The following HTD2 variants were observed in gnomAD, a reference collection of about 807,000 sequenced individuals.
HTD2 encodes the protein hydroxyacyl-thioester dehydratase type 2, mitochondrial.
HTD2 carries 1 observed loss-of-function variant against 3.1 expected under a neutral mutation model. The observed-to-expected ratio is 0.32, with a 90% confidence interval of 0.11 to 1.52. The LOEUF is 1.52. Ranked by LOEUF, HTD2 falls within the 40% of genes most tolerant of loss-of-function variation. The pLI is 0.39. For synonymous variants in HTD2, 50 were observed against 28.9 expected (o/e 1.73, Z -2.34); for missense variants, 150 against 79.6 (o/e 1.88, Z -3.36).
intron 2 of HTD2, among the ~76,000 whole-genome samples, chr3:58,315,427 T>C (rs1575547362): frequency 6.6e-6 from 1 of 152,256 alleles, no homozygotes; most frequent in East Asian, 1.9e-4. Context: ...TAAGGGAGTC[T>C]TATGATGGTA....
At chr3:58,314,901 G>A (rs1177945793) in intron 2 of HTD2, among the ~76,000 whole-genome samples, 2 of 151,874 alleles carry the variant, frequency 1.3e-5, no homozygotes, top group Non-Finnish European at 2.9e-5. Context: ...TGACCAGGAT[G>A]GTCTCAATCT....
intron 1 of HTD2, among the ~76,000 whole-genome samples, chr3:58,309,226 A>T (rs2097479281): frequency 6.6e-6 from 1 of 152,118 alleles, no homozygotes; most frequent in Non-Finnish European, 1.5e-5. Flanking sequence ...TTACTCCTTT[A>T]TGTCTTTTCT....
chr3:58,315,534 A>AC (rs2097487336), intron 2 of HTD2, among the ~76,000 whole-genome samples: 1 of 152,240 alleles, frequency 6.6e-6, no homozygotes, highest in African/African-American at 2.4e-5. Context: ...GAGTAGACAT[A>AC]CAATTGGTAA....
intron 2 of HTD2, among the ~76,000 whole-genome samples, chr3:58,314,810 A>G (rs2097486613): frequency 2.0e-5 from 3 of 149,646 alleles, no homozygotes; most frequent in African/African-American, 7.4e-5. Flanking sequence ...TCAGCCTCCC[A>G]AGTAGCTAGG....
intron 1 of HTD2, among the ~76,000 whole-genome samples, chr3:58,308,436 A>G (rs1031845462): frequency 8.0e-5 from 12 of 150,062 alleles, no homozygotes; most frequent in Non-Finnish European, 3.0e-5. Flanking sequence ...GGCACACACT[A>G]CCATGCCTGG....
Position 58,319,956 on chromosome 3 carries a change from G to T in HTD2, c.*1836G>T, listed in dbSNP as rs2097492776. ...ATAGCATTTTTCATCACCCCCAAAA[G>T]AACCTCCCATTAGCAGTCAATCCAT... is the stretch of plus-strand genomic sequence containing the variant. On this transcript the variant is annotated 3_prime_UTR_variant, in exon 5 of 5. Coordinates refer to ENST00000461393, the MANE Select transcript of HTD2 (RefSeq NM_001348712.2). The T allele has an allele frequency of 1.3e-5, 2 of 152,118 alleles. No homozygotes were observed. Among genetic ancestry groups the T allele is most frequent in the South Asian group, 4.1e-4 (2 of 4,828 alleles). The allele number at this position is 152,118 out of a possible 1,614,324, so 9.4% of individuals were successfully genotyped here. A position where few individuals can be genotyped will look rare whatever the true frequency, so the allele number is the denominator to read the frequency against.
At chr3:58,316,662 T>A in intron 3 of HTD2, 71 bp downstream of exon 3, 1 of 1,333,092 alleles carries the variant, frequency 7.5e-7, no homozygotes, top group Non-Finnish European at 1.1e-6. Flanking sequence ...TGCTCTCTTC[T>A]GAGAATGAGA....
rs1388113741 is a variant in HTD2 at position 58,306,597 on chromosome 3, C to T, written c.-470C>T. The T allele has an allele frequency of 6.6e-6, 1 of 152,064 alleles. No homozygotes were observed. Among genetic ancestry groups the T allele is most frequent in the East Asian group, 1.9e-4 (1 of 5,186 alleles). 9.4% of individuals were successfully genotyped at this position (152,064 alleles called of 1,614,324 possible). ...TCGGCCGCAGAACGTGGCCGAGAGG[C>T]CCGGGCGAGACTTCGGGACCGTGTC... is the stretch of plus-strand genomic sequence containing the variant. On this transcript the variant is annotated 5_prime_UTR_variant, in exon 1 of 5. Transcript: ENST00000461393.
chr3:58,317,992 T>A lies in HTD2; in HGVS notation c.379T>A (p.Ser127Thr). ...ATATATTGGAGAAGTTGTTTTAGCT[T>A]CTGCAGAAGTGAAAAAGCTGAAGCG... is the stretch of plus-strand genomic sequence containing the variant. Reference protein sequence around the residue: ...PLYIGEVVLASAEVKKLKRFI... With the variant: ...PLYIGEVVLATAEVKKLKRFI... The change falls in exon 5 of 5, where the codon TCT becomes ACT. Residue 127 changes from serine (S) to threonine (T), a missense_variant. Ser to Thr is a moderately conservative substitution (Grantham distance 58). Coordinates refer to ENST00000461393, the MANE Select transcript of HTD2 (RefSeq NM_001348712.2). 1 of 702,956 alleles carries A rather than the reference T, an allele frequency of 1.4e-6. No individual in the cohort carries two copies. Among genetic ancestry groups the A allele is most frequent in the Non-Finnish European group, 2.6e-6 (1 of 384,990 alleles). 43.5% of individuals were successfully genotyped at this position (702,956 alleles called of 1,614,324 possible). A position where few individuals can be genotyped will look rare whatever the true frequency, so the allele number is the denominator to read the frequency against.
rs6771473 is a variant in HTD2 at position 58,317,401 on chromosome 3, G to A, written c.-174-39G>A. On this transcript the variant is annotated intron_variant, in intron 4 of 4. Transcript: ENST00000461393. ...CCCCATTGCCCTGTGCTTCAGTGTG[G>A]TTTCTCCCAATGCCTTAACCTTTTT... is the stretch of plus-strand genomic sequence containing the variant. The A allele has an allele frequency of 9.0e-3, 12,755 of 1,419,174 alleles. 978 individuals carry two copies. The African/African-American group carries it at 0.16, about 18-fold the overall frequency. The allele number at this position is 1,419,174 out of a possible 1,614,324, so 87.9% of individuals were successfully genotyped here. A position where few individuals can be genotyped will look rare whatever the true frequency, so the allele number is the denominator to read the frequency against.
intron 2 of HTD2, among the ~76,000 whole-genome samples, chr3:58,315,233 A>G (rs529557026): frequency 6.6e-6 from 1 of 152,304 alleles, no homozygotes; most frequent in South Asian, 2.1e-4. Context: ...CTATTTAGAC[A>G]CAATATGAAT....
At chr3:58,311,504 C>CT (rs1326550747) in intron 2 of HTD2, among the ~76,000 whole-genome samples, 4 of 152,104 alleles carry the variant, frequency 2.6e-5, no homozygotes, top group African/African-American at 7.2e-5. Flanking sequence ...CAACAGTTGT[C>CT]TTTCTGTGCC....
intron 2 of HTD2, among the ~76,000 whole-genome samples, chr3:58,314,389 G>A (rs13080508): frequency 0.13 from 20,180 of 152,034 alleles, 1,992 homozygotes; most frequent in African/African-American, 0.27. Flanking sequence ...AGAAGTATCA[G>A]AACTCAACCA....
chr3:58,306,595 G>C lies in HTD2; in HGVS notation c.-472G>C, dbSNP rs1192132428. ...TCTCGGCCGCAGAACGTGGCCGAGA[G>C]GCCCGGGCGAGACTTCGGGACCGTG... On this transcript the variant is annotated 5_prime_UTR_variant, in exon 1 of 5. Coordinates refer to ENST00000461393, the MANE Select transcript of HTD2 (RefSeq NM_001348712.2). 1 of 152,258 alleles carries C rather than the reference G, an allele frequency of 6.6e-6. No homozygotes were observed. Among genetic ancestry groups the C allele is most frequent in the Non-Finnish European group, 1.5e-5 (1 of 68,056 alleles). 9.4% of individuals were successfully genotyped at this position (152,258 alleles called of 1,614,324 possible). A position where few individuals can be genotyped will look rare whatever the true frequency, so the allele number is the denominator to read the frequency against.
intron 2 of HTD2, among the ~76,000 whole-genome samples, 175 bp downstream of exon 2, chr3:58,310,766 C>T (rs2097481325): frequency 6.6e-6 from 1 of 151,972 alleles, no homozygotes; most frequent in African/African-American, 2.4e-5. Context: ...CCCATCTGTA[C>T]TAAAACTGCA....
Position 58,319,039 on chromosome 3 carries a change from A to T in HTD2, c.*919A>T, listed in dbSNP as rs1025362650. 1 of 152,070 alleles carries T rather than the reference A, an allele frequency of 6.6e-6. No homozygotes were observed. Among genetic ancestry groups the T allele is most frequent in the Non-Finnish European group, 1.5e-5 (1 of 68,000 alleles). The allele number at this position is 152,070 out of a possible 1,614,324, so 9.4% of individuals were successfully genotyped here. On this transcript the variant is annotated 3_prime_UTR_variant, in exon 5 of 5. Coordinates refer to ENST00000461393, the MANE Select transcript of HTD2 (RefSeq NM_001348712.2). The stretch of plus-strand genomic sequence containing the variant: ...CTTTTAGAAATTCAGACCTAGATAG[A>T]TTTGCATTTGGATAACAAATCCCTA...
chr3:58,317,708 A>G lies in HTD2; in HGVS notation c.95A>G (p.Gln32Arg), dbSNP rs2097489823. 3 of 704,052 alleles carry G rather than the reference A, an allele frequency of 4.3e-6. No individual in the cohort carries two copies. The highest frequency in any genetic ancestry group is 4.0e-5 in the Admixed American group (2 of 49,994). The allele number at this position is 704,052 out of a possible 1,614,324, so 43.6% of individuals were successfully genotyped here. Residue 32 changes from glutamine (Q) to arginine (R), a missense_variant, in exon 5 of 5, where the codon CAG (glutamine) becomes CGG (arginine). Coordinates refer to ENST00000461393, the MANE Select transcript of HTD2 (RefSeq NM_001348712.2). The stretch of plus-strand genomic sequence containing the variant: ...CCAGTGCTGACCCTGCAGCACTTTC[A>G]GCATATGCACATCAAAGTTGGAGAC... ...NLPVLTLQHF[Q>R]HMHIKVGDRA...
chr3:58,311,435 C>T (rs1162965463), intron 2 of HTD2, among the ~76,000 whole-genome samples: 1 of 152,048 alleles, frequency 6.6e-6, no homozygotes, highest in East Asian at 1.9e-4. Flanking sequence ...ATTACAGGCA[C>T]GAGCCACTGT....
intron 2 of HTD2, among the ~76,000 whole-genome samples, chr3:58,316,078 A>T (rs925181733): frequency 7.2e-5 from 11 of 152,246 alleles, no homozygotes; most frequent in African/African-American, 2.7e-4. Context: ...GTCAGGTAGA[A>T]AACCTCGTTC....
Sources: allele counts gnomAD v4.1 joint callset (sites outside exome capture counted in the v4.1 genomes callset), GRCh38; gene constraint gnomAD v4.1.1; transcripts MANE v1.5; gene names NCBI Gene and HGNC (gene_info 2026-07-23, HGNC 2026-07-21).